The following MAP3K14 variants were observed in gnomAD, a reference collection of about 807,000 sequenced individuals.
The protein encoded by MAP3K14 is mitogen-activated protein kinase kinase kinase 14.
A neutral mutation model predicts 99.2 loss-of-function variants in MAP3K14; 16 were observed. That is an observed-to-expected ratio of 0.16 (90% CI 0.11 to 0.24). The LOEUF (loss-of-function observed/expected upper bound fraction) is 0.24, where lower values mean the gene tolerates loss of function less well. MAP3K14 is among the 10% of genes least tolerant of loss of function. MAP3K14 has a pLI of 1.00. For synonymous variants in MAP3K14, 462 were observed against 492.4 expected, an observed-to-expected ratio of 0.94 and a Z score of 0.82; for missense variants, 784 against 1,208.7, an observed-to-expected ratio of 0.65 and a Z score of 5.21.
rs2044133539 is a variant in MAP3K14, at chr17:45,270,427, C to T, written c.1958G>A (p.Arg653Gln). 10 of 1,611,480 alleles carry T rather than the reference C, an allele frequency of 6.2e-6. No homozygotes were observed. Among genetic ancestry groups the T allele is most frequent in the African/African-American group, 1.3e-5 (1 of 74,824 alleles). Residue 653 changes from arginine (R) to glutamine (Q), a missense_variant, in exon 11 of 16, where the codon CGG (arginine) becomes CAG (glutamine). Around this residue, in one of 5 missense-constraint regions of MAP3K14, gnomAD observed 200 missense variants for 367.9 expected, o/e 0.54. Coordinates refer to ENST00000344686, the MANE Select transcript of MAP3K14 (RefSeq NM_003954.5). The part of the protein sequence containing the change: ...SAAELGGKVN[R>Q]ALQQVGGLKS... ...GCTCTTCCTACCTTGCTGTAGTGCCCGGTTCACCTTCCCTCCCAGCTCCGC... is the reference window on the plus strand; with the variant it reads ...GCTCTTCCTACCTTGCTGTAGTGCCTGGTTCACCTTCCCTCCCAGCTCCGC...
intron 6 of MAP3K14, 113 bp downstream of exon 6, chr17:45,284,699 T>C: frequency 7.3e-7 from 1 of 1,379,062 alleles, no homozygotes. Flanking sequence ...CAAGTTCTGT[T>C]CACAAGTCAG....
intron 1 of MAP3K14, among the ~76,000 whole-genome samples, chr17:45,294,985 C>T (rs1002766035): frequency 3.9e-5 from 6 of 152,156 alleles, no homozygotes; most frequent in South Asian, 2.1e-4. Context: ...GTGATGAGAG[C>T]GGTGTTTTCT....
At position 45,287,019 on chromosome 17, in the gene MAP3K14, T is replaced by C. The variant is rs1178646614; in HGVS notation, c.564A>G (p.Pro188=). The C allele has an allele frequency of 1.2e-6, 2 of 1,613,138 alleles. No homozygotes were observed. Among genetic ancestry groups the C allele is most frequent in the Non-Finnish European group, 1.7e-6 (2 of 1,179,218 alleles). ...VQEDESPLGA[P]YVRNTPQFTK... is the part of the protein sequence containing the mutation. ...TGAACTGCGGGGTGTTTCTAACATA[T>C]GGGGCGCCGAGTGGAGACTCATCCT... is the stretch of plus-strand genomic sequence containing the variant. The change falls in exon 5 of 16, where the codon CCA becomes CCG. Residue 188 remains proline, a synonymous_variant. Coordinates refer to ENST00000344686, the MANE Select transcript of MAP3K14 (RefSeq NM_003954.5).
At chr17:45,288,004 C>T (rs1290822743) in intron 3 of MAP3K14, among the ~76,000 whole-genome samples, 1 of 152,186 alleles carries the variant, frequency 6.6e-6, no homozygotes, top group African/African-American at 2.4e-5. Flanking sequence ...GACTGGGATC[C>T]CTGCCAAGTA....
chr17:45,298,889 C>T (rs760500633), intron 1 of MAP3K14, among the ~76,000 whole-genome samples: 27 of 152,162 alleles, frequency 1.8e-4, no homozygotes, highest in African/African-American at 4.8e-4. Context: ...GCAGATGTGA[C>T]GGGAACACAG....
chr17:45,264,896 C>G (rs2044061834), intron 15 of MAP3K14, 96 bp from the exon 16 acceptor site: 1 of 1,296,054 alleles, frequency 7.7e-7, no homozygotes. Context: ...ACCGGCAGCC[C>G]TAAGGGCACT....
At position 45,283,341 on chromosome 17, in the gene MAP3K14, A is replaced by G. The variant is rs537005528; in HGVS notation, c.1290+1471T>C. On this transcript the variant is annotated intron_variant, in intron 6 of 15. Transcript: ENST00000344686. ...CCCCCAGTGGAAGACGATGATCCACACTGGCAAGAACTCGGCAAGAACTCA... is the reference window on the plus strand; with the variant it reads ...CCCCCAGTGGAAGACGATGATCCACGCTGGCAAGAACTCGGCAAGAACTCA... Among the ~76,000 whole-genome samples, 5 of 152,336 alleles carry G rather than the reference A, an allele frequency of 3.3e-5. No individual in the cohort carries two copies. In the East Asian group the frequency reaches 5.8e-4, roughly 18 times the overall value.
At chr17:45,285,258 CA>C (rs1220707594) in intron 5 of MAP3K14, among the ~76,000 whole-genome samples, 3 of 152,086 alleles carry the variant, frequency 2.0e-5, no homozygotes, top group African/African-American at 7.2e-5. Flanking sequence ...AATGAAAAAA[CA>C]AAACTCAGGA....
intron 6 of MAP3K14, among the ~76,000 whole-genome samples, chr17:45,279,081 T>C (rs1461378686): frequency 1.3e-5 from 2 of 152,224 alleles, no homozygotes; most frequent in Admixed American, 1.3e-4. Flanking sequence ...GCCTGCACAC[T>C]GAACACTGGG....
rs544926501 is a variant in MAP3K14, at chr17:45,275,765, T to C, written c.1291-1172A>G. Among the ~76,000 whole-genome samples the C allele has an allele frequency of 8.2e-3, 1,209 of 147,180 alleles. 36 individuals are homozygous for C. In the East Asian group the frequency reaches 0.091, roughly 11 times the overall value. On this transcript the variant is annotated intron_variant, in intron 6 of 15. Transcript: ENST00000344686. ...ATTTTTTTTTCTTTTCTTTTCTTTT[T>C]TTTTTTTTTTTTTGAGACAGAGGTC...
At position 45,309,021 on chromosome 17, in the gene MAP3K14, T is replaced by G. The variant is rs150385249; in HGVS notation, c.-21+7939A>C. On this transcript the variant is annotated intron_variant, in intron 1 of 15. Coordinates refer to ENST00000344686, the MANE Select transcript of MAP3K14 (RefSeq NM_003954.5). ...TTTGGAGGTGGATCTCACTATGTTG[T>G]CCAGGCTGGTCTCCAGTTCTTGGCC... is the stretch of plus-strand genomic sequence containing the variant. 8.7e-3 allele frequency among the ~76,000 whole-genome samples: 1,325 copies of G among 152,166 alleles called. 18 individuals are homozygous for G. The highest frequency in any genetic ancestry group is 0.029 in the African/African-American group (1,215 of 41,504).
chr17:45,266,793 G>C, intron 13 of MAP3K14, 112 bp from the exon 14 acceptor site: 1 of 1,231,360 alleles, frequency 8.1e-7, no homozygotes, highest in Non-Finnish European at 1.1e-6. Context: ...GCTGGAGGAG[G>C]GTAAGGGTTG....
chr17:45,311,022 A>G (rs999673396), intron 1 of MAP3K14, among the ~76,000 whole-genome samples: 1 of 152,084 alleles, frequency 6.6e-6, no homozygotes, highest in Non-Finnish European at 1.5e-5. Flanking sequence ...AAAAAAAAAA[A>G]TCCTGCTTCA....
In MAP3K14 at chr17:45,264,666, G is replaced by C; in HGVS notation, c.2814C>G (p.Val938=). 6.3e-7 allele frequency: 1 copy of C among 1,593,240 alleles called. No homozygotes were observed. Among genetic ancestry groups the C allele is most frequent in the South Asian group, 1.1e-5 (1 of 87,808 alleles). The change falls in exon 16 of 16, where the codon GTC becomes GTG. Residue 938 remains valine (V), a synonymous_variant. Transcript: ENST00000344686. ...PDGSFAWSWR[V]KHGQLENRP Reference sequence around the variant, plus strand: ...GCCTGTTCTCCAGCTGGCCATGCTTGACCCTCCAGCTCCAGGCGAAGCTGC... The same window carrying C: ...GCCTGTTCTCCAGCTGGCCATGCTTCACCCTCCAGCTCCAGGCGAAGCTGC...
At position 45,287,208 on chromosome 17, in the gene MAP3K14, C is replaced by T. The variant is rs754302477; in HGVS notation, c.483G>A (p.Leu161=). 1 of 1,613,944 alleles carries T rather than the reference C, an allele frequency of 6.2e-7. No homozygotes were observed. The highest frequency in any genetic ancestry group is 1.1e-5 in the South Asian group (1 of 91,072). The part of the protein sequence containing the change: ...SKSLAHAGVA[L]AKPLPRTPEQ... The stretch of plus-strand genomic sequence containing the variant: ...CAGGGGTCCTGGGGAGGGGTTTGGC[C>T]AAGGCCACTCCTGCATGAGCCAGGG... Residue 161 remains leucine, a synonymous_variant, in exon 4 of 16, where the codon TTG becomes TTA. Transcript: ENST00000344686.
intron 1 of MAP3K14, among the ~76,000 whole-genome samples, chr17:45,294,187 G>A (rs941592860): frequency 3.3e-5 from 5 of 152,240 alleles, no homozygotes; most frequent in African/African-American, 1.2e-4. Context: ...AAGAGTTGAG[G>A]ACACGAGCAG....
chr17:45,305,155 T>C (rs1249078445), intron 1 of MAP3K14, among the ~76,000 whole-genome samples: 2 of 152,136 alleles, frequency 1.3e-5, no homozygotes, highest in East Asian at 1.9e-4. Flanking sequence ...TGGAGTGCAG[T>C]GACGCAATCT....
rs757176083 is a variant in MAP3K14 at position 45,267,633 on chromosome 17, G to A, written c.2099C>T (p.Pro700Leu). The A allele has an allele frequency of 6.2e-7, 1 of 1,613,380 alleles. No individual in the cohort carries two copies. Among genetic ancestry groups the A allele is most frequent in the Non-Finnish European group, 8.5e-7 (1 of 1,179,776 alleles). The change falls in exon 12 of 16, where the codon CCC becomes CTC. Residue 700 changes from proline (P) to leucine (L), a missense_variant. Physicochemically the swap from Pro to Leu is moderately conservative, Grantham distance 98 (BLOSUM62 -3). This residue lies in a region of MAP3K14 where 128 missense variants were observed against 143.3 expected (regional missense o/e 0.89). Coordinates refer to ENST00000344686, the MANE Select transcript of MAP3K14 (RefSeq NM_003954.5). The surrounding 1 kb of genome is among the most constrained non-coding windows in gnomAD (Gnocchi z 5.1). ...PRELSPRAPG[P>L]RPAEETTGRA... Reference sequence around the variant, plus strand: ...GCCTGTTGTCTCCTCAGCTGGCCGGGGCCCTGGGGCCCTTGGCGAAAGCTC... The same window carrying A: ...GCCTGTTGTCTCCTCAGCTGGCCGGAGCCCTGGGGCCCTTGGCGAAAGCTC...
In MAP3K14 at chr17:45,286,353, G is replaced by C; in HGVS notation, c.1152+78C>G. 1 of 1,448,240 alleles carries C rather than the reference G, an allele frequency of 6.9e-7. No homozygotes were observed. The highest frequency in any genetic ancestry group is 1.4e-5 in the South Asian group (1 of 69,054). The allele number at this position is 1,448,240 out of a possible 1,614,324, so 89.7% of individuals were successfully genotyped here. A position where few individuals can be genotyped will look rare whatever the true frequency, so the allele number is the denominator to read the frequency against. ...GTTTGATTTGTCACCACAGGCAAGA[G>C]TGACTCTGATAAAGAGAGAAAAGCA... On this transcript the variant is annotated intron_variant, in intron 5 of 15. Coordinates refer to ENST00000344686, the MANE Select transcript of MAP3K14 (RefSeq NM_003954.5). This position sits in a 1 kb window ranked among gnomAD's most constrained non-coding sequence, Gnocchi z 4.1.
Sources: gnomAD v4.1 joint callset for allele counts (sites outside exome capture counted in the v4.1 genomes callset) on GRCh38, gnomAD v4.1.1 for gene constraint, gnomAD v4.1.1 regional missense constraint, Gnocchi (gnomAD v3.1) non-coding constraint, MANE v1.5 for transcripts, NCBI Gene and HGNC (gene_info 2026-07-23, HGNC 2026-07-21) for gene names.